M1AP: variants seen among roughly 807,000 people sequenced by gnomAD.
The protein encoded by M1AP is meiosis 1 arrest protein.
Under a neutral mutation model 51.2 loss-of-function variants are expected in M1AP, and 39 were observed. That is an observed-to-expected ratio of 0.76 (90% CI 0.59 to 1.00). The LOEUF is 1.00. Among genes scored for constraint, M1AP ranks in the 50% least tolerant of loss-of-function variants. The pLI, the probability that M1AP is intolerant of heterozygous loss-of-function variation, is 0.00. For missense variants in M1AP, 545 were observed against 641.2 expected, an observed-to-expected ratio of 0.85 and a Z score of 1.62; for synonymous variants, 251 against 249.2, an observed-to-expected ratio of 1.01 and a Z score of -0.07.
chr2:74,605,708 GGC>G (rs1377471521), intron 4 of M1AP, among the ~76,000 whole-genome samples: 11 of 152,054 alleles, frequency 7.2e-5, no homozygotes. Context: ...AGACCATCCT[GGC>G]TAACACGGTG....
rs143680043 is a variant in M1AP at position 74,562,222 on chromosome 2, C to T, written c.1276G>A (p.Val426Met). ...GAGATCTGGGCTCCACTTGCCTCCA[C>T]ATTCTTAAGGCTATCATCATGTGGG... ...EDPHDDSLKN[V>M]ESMLDSLELE... Residue 426 changes from valine (V) to methionine (M), a missense_variant, in exon 8 of 11, where the codon GTG becomes ATG. Coordinates refer to ENST00000421985, the MANE Select transcript of M1AP (RefSeq NM_001321739.2). 59 of 1,607,590 alleles carry T rather than the reference C, an allele frequency of 3.7e-5. No individual in the cohort carries two copies. In the African/African-American group the frequency reaches 5.6e-4, roughly 15 times the overall value.
chr2:74,640,801 C>T (rs1261582358), intron 1 of M1AP, among the ~76,000 whole-genome samples: 1 of 152,206 alleles, frequency 6.6e-6, no homozygotes, highest in Non-Finnish European at 1.5e-5. Flanking sequence ...AGATGTTTGC[C>T]TATCATGTAA....
At chr2:74,591,737 A>T (rs1680049276) in intron 4 of M1AP, among the ~76,000 whole-genome samples, 1 of 152,164 alleles carries the variant, frequency 6.6e-6, no homozygotes, top group South Asian at 2.1e-4. Flanking sequence ...AGCTAAGTAG[A>T]GTAAGGAAAA....
chr2:74,576,763 A>T, intron 5 of M1AP, 145 bp from the exon 6 acceptor site: 1 of 1,216,262 alleles, frequency 8.2e-7, no homozygotes, highest in Non-Finnish European at 1.1e-6. Context: ...AGGAGGAGGC[A>T]GGAGAGTGGA....
intron 2 of M1AP, among the ~76,000 whole-genome samples, chr2:74,626,185 G>C (rs1682376516): frequency 6.6e-6 from 1 of 151,798 alleles, no homozygotes; most frequent in Non-Finnish European, 1.5e-5. Context: ...TTAGCCCTAG[G>C]GTACCATATA....
At chr2:74,634,391 A>T (rs1406070862) in intron 2 of M1AP, among the ~76,000 whole-genome samples, 1 of 152,202 alleles carries the variant, frequency 6.6e-6, no homozygotes, top group Non-Finnish European at 1.5e-5. Flanking sequence ...GTATATCACC[A>T]GAAGGGAACC....
chr2:74,617,101 G>A (rs1453292091), intron 2 of M1AP, among the ~76,000 whole-genome samples: 1 of 152,148 alleles, frequency 6.6e-6, no homozygotes, highest in Non-Finnish European at 1.5e-5. Context: ...TATTTTAAAA[G>A]ACTAAATGTG....
intron 7 of M1AP, among the ~76,000 whole-genome samples, chr2:74,565,860 C>CAT (rs1281904844): frequency 1.3e-5 from 2 of 150,932 alleles, no homozygotes; most frequent in South Asian, 4.2e-4. Flanking sequence ...CACACACACA[C>CAT]ACACACAAAC....
chr2:74,641,572 C>A (rs1180798788), intron 1 of M1AP, among the ~76,000 whole-genome samples: 1 of 151,734 alleles, frequency 6.6e-6, no homozygotes, highest in African/African-American at 2.4e-5. Flanking sequence ...AATATCTTCC[C>A]ACAAGTAAGA....
chr2:74,636,118 C>G (rs1167271557), intron 2 of M1AP, among the ~76,000 whole-genome samples: 1 of 151,610 alleles, frequency 6.6e-6, no homozygotes. Context: ...AATTTTTGCT[C>G]CACATATTTT....
At chr2:74,581,015 A>G (rs1339654907) in intron 5 of M1AP, among the ~76,000 whole-genome samples, 1 of 152,178 alleles carries the variant, frequency 6.6e-6, no homozygotes, top group Non-Finnish European at 1.5e-5. Flanking sequence ...GGAGAATGGA[A>G]ATGGCCTTAT....
rs754918726 is a variant in M1AP, at chr2:74,615,027, C to T, written c.363G>A (p.Gln121=). ...CATGTCTGCTGTATTGTTTGAATTG[C>T]TGGAGCCCATCCTCTACTGCCAGCC... is the stretch of plus-strand genomic sequence containing the variant. The part of the protein sequence containing the change: ...SLRLAVEDGL[Q]QFKQYSRHVT... The change falls in exon 3 of 11, where the codon CAG becomes CAA. Residue 121 remains glutamine, a synonymous_variant. Coordinates refer to ENST00000421985, the MANE Select transcript of M1AP (RefSeq NM_001321739.2). 1 of 1,614,170 alleles carries T rather than the reference C, an allele frequency of 6.2e-7. No individual in the cohort carries two copies. The highest frequency in any genetic ancestry group is 1.7e-5 in the Admixed American group (1 of 60,034).
intron 4 of M1AP, among the ~76,000 whole-genome samples, chr2:74,603,513 A>C (rs1680794204): frequency 6.6e-6 from 1 of 152,212 alleles, no homozygotes; most frequent in Non-Finnish European, 1.5e-5. Context: ...AAGAAGAGGA[A>C]AATGAATACA....
At chr2:74,626,305 G>C (rs1682390413) in intron 2 of M1AP, among the ~76,000 whole-genome samples, 1 of 146,580 alleles carries the variant, frequency 6.8e-6, no homozygotes, top group African/African-American at 2.7e-5. Flanking sequence ...TGTCACCCAG[G>C]CTAGAATGCA....
intron 5 of M1AP, among the ~76,000 whole-genome samples, chr2:74,578,058 G>A (rs146002638): frequency 6.6e-6 from 1 of 152,324 alleles, no homozygotes; most frequent in Non-Finnish European, 1.5e-5. Flanking sequence ...GCTTCTATGA[G>A]AATCTAATGA....
intron 9 of M1AP, 90 bp downstream of exon 9, chr2:74,560,061 T>G: frequency 1.4e-5 from 19 of 1,392,132 alleles, no homozygotes; most frequent in Non-Finnish European, 1.9e-5. Flanking sequence ...GGGGGCGGTG[T>G]TGGGATGGGG....
At chr2:74,626,257 G>GTTT (rs1337799000) in intron 2 of M1AP, among the ~76,000 whole-genome samples, 39 of 125,914 alleles carry the variant, frequency 3.1e-4, no homozygotes, top group African/African-American at 9.8e-4. Flanking sequence ...CTATATTTCA[G>GTTT]TTTTTTTTTT....
At chr2:74,562,546 C>T (rs1472445153) in intron 7 of M1AP, 123 bp from the exon 8 acceptor site, 16 of 1,013,640 alleles carry the variant, frequency 1.6e-5, no homozygotes, top group Middle Eastern at 4.5e-4. Flanking sequence ...CATTTAACTT[C>T]GGCCCTGGTA....
chr2:74,577,250 A>C (rs1310388451), intron 5 of M1AP, among the ~76,000 whole-genome samples: 2 of 152,172 alleles, frequency 1.3e-5, no homozygotes, highest in African/African-American at 4.8e-5. Flanking sequence ...GCCTTGGAGC[A>C]TCACAGTGGC....
Sources: allele counts gnomAD v4.1 joint callset (sites outside exome capture counted in the v4.1 genomes callset), GRCh38; gene constraint gnomAD v4.1.1; transcripts MANE v1.5; gene names NCBI Gene and HGNC (gene_info 2026-07-23, HGNC 2026-07-21).